Variants in PDE4D observed in about 807,000 individuals in gnomAD.
PDE4D encodes the protein 3',5'-cyclic-AMP phosphodiesterase 4D.
A neutral mutation model predicts 87.4 loss-of-function variants in PDE4D; 24 were observed. The observed-to-expected ratio is 0.27, with a 90% CI of 0.20 to 0.39. The LOEUF is 0.39. Among genes scored for constraint, PDE4D ranks in the 10% least tolerant of loss-of-function variants. The pLI is 1.00. For missense variants in PDE4D, 714 were observed against 1,041.0 expected (o/e 0.69, Z 4.32); for synonymous variants, 384 against 383.2 (o/e 1.00, Z -0.02).
At chr5:59,831,094 T>G (rs949976814) in intron 1 of PDE4D, among the ~76,000 whole-genome samples, 3 of 151,952 alleles carry the variant, frequency 2.0e-5, no homozygotes, top group African/African-American at 7.2e-5. Context: ...TGAAATGGAA[T>G]GAGAAAGGGT....
At chr5:59,730,830 G>C (rs989992007) in intron 1 of PDE4D, among the ~76,000 whole-genome samples, 5 of 152,156 alleles carry the variant, frequency 3.3e-5, no homozygotes, top group Non-Finnish European at 5.9e-5. Context: ...TGATTGTGCA[G>C]AAAGTGAAAA....
At chr5:60,468,237 C>T (rs746229957) in intron 1 of PDE4D, among the ~76,000 whole-genome samples, 4 of 151,384 alleles carry the variant, frequency 2.6e-5, no homozygotes, top group Non-Finnish European at 5.9e-5. Flanking sequence ...CTCCTGGGCT[C>T]AAGAAATTCT....
At chr5:59,021,300 G>C (rs1253612288) in intron 6 of PDE4D, among the ~76,000 whole-genome samples, 1 of 152,074 alleles carries the variant, frequency 6.6e-6, no homozygotes. Flanking sequence ...TAGAGTGCTG[G>C]GTAACTGAGC....
chr5:59,145,473 G>A (rs928162960), intron 5 of PDE4D, among the ~76,000 whole-genome samples: 3 of 152,178 alleles, frequency 2.0e-5, no homozygotes, highest in African/African-American at 7.2e-5. Flanking sequence ...TACTAAAAAT[G>A]TACATCTATC....
intron 3 of PDE4D, among the ~76,000 whole-genome samples, chr5:59,978,596 C>T (rs1002917653): frequency 5.3e-5 from 8 of 152,098 alleles, no homozygotes; most frequent in African/African-American, 1.7e-4. Context: ...GAAATGGCAA[C>T]AAAGGATTTA....
In PDE4D at chr5:60,215,634, T is replaced by C. The variant is rs1366314674; in HGVS notation, c.-89-29947A>G. Among the ~76,000 whole-genome samples the C allele has an allele frequency of 2.0e-5, 3 of 152,182 alleles. No homozygotes were observed. The East Asian group carries it at 5.8e-4, about 29-fold the overall frequency. On this transcript the variant is annotated intron_variant, in intron 1 of 16. Coordinates refer to the PDE4D transcript ENST00000502484. ...TCATGTTAATATGTTTAGGGACGTA[T>C]CTTTTATCTACTTCTTAAAGTGTGA...
In PDE4D at chr5:60,496,272, C is replaced by T. The variant is rs143591519; in HGVS notation, n.70+25779G>A. On this transcript the variant is annotated intron_variant and non_coding_transcript_variant, in intron 1 of 2. Transcript: ENST00000506510. Reference sequence around the variant, plus strand: ...TAACAAAAGCTTTGTTCTTCCAAACCGAGAGGGAAACTGTAGATCTATCCA... The same window carrying T: ...TAACAAAAGCTTTGTTCTTCCAAACTGAGAGGGAAACTGTAGATCTATCCA... 1.1e-3 allele frequency among the ~76,000 whole-genome samples: 165 copies of T among 152,210 alleles called. No homozygotes were observed. The East Asian group carries it at 0.016, about 14-fold the overall frequency.
chr5:60,191,560 C>T (rs1785200693), intron 1 of PDE4D, among the ~76,000 whole-genome samples: 1 of 152,194 alleles, frequency 6.6e-6, no homozygotes, highest in African/African-American at 2.4e-5. Context: ...CCATGCAGAA[C>T]TGTAAGCCAA....
At chr5:59,747,213 C>T (rs1275539033) in intron 1 of PDE4D, among the ~76,000 whole-genome samples, 2 of 152,132 alleles carry the variant, frequency 1.3e-5, no homozygotes, top group Non-Finnish European at 2.9e-5. Flanking sequence ...CTCCAGTATT[C>T]TGACTCCAAA....
intron 1 of PDE4D, among the ~76,000 whole-genome samples, chr5:60,520,718 A>C (rs1750999630): frequency 6.6e-6 from 1 of 152,248 alleles, no homozygotes; most frequent in Admixed American, 6.5e-5. Flanking sequence ...CACTATTCAC[A>C]GACCATGTTA....
intron 1 of PDE4D, among the ~76,000 whole-genome samples, chr5:60,396,406 G>A (rs573824699): frequency 2.0e-5 from 3 of 152,202 alleles, no homozygotes; most frequent in East Asian, 1.9e-4. Context: ...ATTTTCTTAC[G>A]GGTCTTCTTC....
chr5:60,459,808 A>C, intron 1 of PDE4D: 1 of 522,904 alleles, frequency 1.9e-6, no homozygotes. Context: ...GGACTGGAGA[A>C]AAATTTTTAA....
rs3061651 is a variant in PDE4D, at chr5:59,327,132, T to TACACACACACAC, written c.456-111176_456-111165dup. ...TCATATGTTAATACAGAAACAGAAA[T>TACACACACACAC]ACACACACACACACACACACACACA... On this transcript the variant is annotated intron_variant, in intron 1 of 14. Coordinates refer to ENST00000340635, the MANE Select transcript of PDE4D (RefSeq NM_001104631.2). Among the ~76,000 whole-genome samples the TACACACACACAC allele has an allele frequency of 1.4e-3, 194 of 141,840 alleles. 5 individuals are homozygous for TACACACACACAC. The highest frequency in any genetic ancestry group is 9.5e-3 in the Admixed American group (132 of 13,906). The allele number at this position is 141,840 out of a possible 152,430, so 93.1% of individuals were successfully genotyped here. A position where few individuals can be genotyped will look rare whatever the true frequency, so the allele number is the denominator to read the frequency against.
intron 1 of PDE4D, among the ~76,000 whole-genome samples, chr5:60,322,412 ACAC>A (rs1562323226): frequency 3.4e-5 from 5 of 145,006 alleles, no homozygotes; most frequent in African/African-American, 8.1e-5. Context: ...ACACACACAC[ACAC>A]AAAACCCTAA....
At chr5:60,243,836 T>C (rs1358464689) in intron 1 of PDE4D, among the ~76,000 whole-genome samples, 3 of 151,790 alleles carry the variant, frequency 2.0e-5, no homozygotes, top group African/African-American at 7.2e-5. Flanking sequence ...AAAAGACATA[T>C]ACCTAGTATC....
intron 1 of PDE4D, among the ~76,000 whole-genome samples, chr5:59,581,966 A>AC (rs1824241244): frequency 6.6e-6 from 1 of 152,158 alleles, no homozygotes; most frequent in Non-Finnish European, 1.5e-5. Flanking sequence ...GGATTTGTGA[A>AC]CGAGATGAGT....
chr5:59,717,133 G>C (rs1755147996), intron 1 of PDE4D, among the ~76,000 whole-genome samples: 1 of 152,100 alleles, frequency 6.6e-6, no homozygotes, highest in Non-Finnish European at 1.5e-5. Context: ...ATGTTCTCCT[G>C]CCTTTATTCT....
intron 1 of PDE4D, among the ~76,000 whole-genome samples, chr5:60,319,683 G>A (rs567068081): frequency 6.6e-6 from 1 of 152,280 alleles, no homozygotes; most frequent in South Asian, 2.1e-4. Context: ...CTTTCTGTTT[G>A]TTAGTTTTCC....
intron 1 of PDE4D, among the ~76,000 whole-genome samples, chr5:59,216,293 C>T (rs1270482922): frequency 1.3e-5 from 2 of 152,102 alleles, no homozygotes; most frequent in Non-Finnish European, 1.5e-5. Context: ...AACAAATACA[C>T]AGTAATTCAT....
Sources: allele counts gnomAD v4.1 joint callset (sites outside exome capture counted in the v4.1 genomes callset), GRCh38; gene constraint gnomAD v4.1.1; transcripts MANE v1.5; gene names NCBI Gene and HGNC (gene_info 2026-07-23, HGNC 2026-07-21).